Variants in MAP2 observed in about 807,000 individuals in gnomAD.
The protein encoded by MAP2 is microtubule-associated protein 2.
In MAP2, 14 loss-of-function variants were observed where a neutral mutation model predicts 137.6. The ratio of observed to expected loss-of-function variants is 0.10; its 90% confidence interval spans 0.07 to 0.16. The LOEUF is 0.16. MAP2 is among the 10% of genes least tolerant of loss of function. MAP2 has a pLI of 1.00. For missense variants in MAP2, 2,088 were observed against 2,191.5 expected, an observed-to-expected ratio of 0.95 and a Z score of 0.94; for synonymous variants, 786 against 782.3, an observed-to-expected ratio of 1.00 and a Z score of -0.08.
intron 3 of MAP2, among the ~76,000 whole-genome samples, chr2:209,611,139 TA>T: frequency 6.6e-6 from 1 of 152,310 alleles, no homozygotes; most frequent in African/African-American, 2.4e-5. Flanking sequence ...GCCAAATATT[TA>T]AACTAACAGC....
chr2:209,427,908 T>C (rs902919685), intron 1 of MAP2, among the ~76,000 whole-genome samples: 1 of 152,274 alleles, frequency 6.6e-6, no homozygotes, highest in Non-Finnish European at 1.5e-5. Context: ...AAGCTGTCCA[T>C]GTAGGGTAGA....
At chr2:209,446,634 A>G (rs950816232) in intron 1 of MAP2, among the ~76,000 whole-genome samples, 11 of 151,952 alleles carry the variant, frequency 7.2e-5, no homozygotes, top group African/African-American at 2.7e-4. Context: ...AAATTACATT[A>G]TTAAAATAGG....
intron 2 of MAP2, among the ~76,000 whole-genome samples, chr2:209,571,495 C>T (rs996474993): frequency 1.5e-4 from 23 of 151,872 alleles, no homozygotes; most frequent in Non-Finnish European, 2.8e-4. Flanking sequence ...AAACAGTTTT[C>T]CAAAGTGGTT....
intron 1 of MAP2, among the ~76,000 whole-genome samples, chr2:209,483,989 AGGGAGCT>A (rs985223046): frequency 2.0e-5 from 3 of 152,148 alleles, no homozygotes; most frequent in African/African-American, 7.2e-5. Flanking sequence ...TCATCCCTGC[AGGGAGCT>A]GGGAGCTGTA....
At chr2:209,634,799 TG>T (rs1223697713) in intron 4 of MAP2, among the ~76,000 whole-genome samples, 1 of 152,114 alleles carries the variant, frequency 6.6e-6, no homozygotes, top group African/African-American at 2.4e-5. Context: ...GAGTGTGGAT[TG>T]TAACTTCAAT....
chr2:209,648,636 A>T (rs998441950), intron 4 of MAP2, among the ~76,000 whole-genome samples: 54 of 150,018 alleles, frequency 3.6e-4, no homozygotes, highest in Non-Finnish European at 1.5e-4. Context: ...AAAAAAAAAA[A>T]AAAAAAGCCA....
Position 209,674,035 on chromosome 2 carries a change from C to A in MAP2, c.263-4537C>A, listed in dbSNP as rs138892289. On this transcript the variant is annotated intron_variant, in intron 5 of 15. Transcript: ENST00000682079. Reference sequence around the variant, plus strand: ...AGATGGTAGCCCAGGACCTATGCATCCAGGAAACTGGGTGTGAAGCCAGAA... The same window carrying A: ...AGATGGTAGCCCAGGACCTATGCATACAGGAAACTGGGTGTGAAGCCAGAA... Among the ~76,000 whole-genome samples the A allele has an allele frequency of 1.3e-5, 2 of 151,812 alleles. 1 individual carries two copies. The highest frequency in any genetic ancestry group is 1.3e-4 in the Admixed American group (2 of 15,176).
intron 7 of MAP2, among the ~76,000 whole-genome samples, chr2:209,682,027 G>A (rs1253810810): frequency 6.6e-6 from 1 of 151,956 alleles, no homozygotes; most frequent in Non-Finnish European, 1.5e-5. Context: ...ATAATAATCA[G>A]TGCATAGCAG....
At chr2:209,674,621 A>AGATG (rs58681596) in intron 5 of MAP2, among the ~76,000 whole-genome samples, 18,053 of 150,638 alleles carry the variant, frequency 0.12, 1,903 homozygotes, top group African/African-American at 0.28. Context: ...ATATATAGAT[A>AGATG]GATGGATGGA....
At chr2:209,526,268 A>G (rs2064031644) in intron 2 of MAP2, among the ~76,000 whole-genome samples, 1 of 152,116 alleles carries the variant, frequency 6.6e-6, no homozygotes, top group Non-Finnish European at 1.5e-5. Context: ...GGAGTCTAGG[A>G]AGTGACCTCA....
At chr2:209,557,856 C>T (rs1260193667) in intron 2 of MAP2, among the ~76,000 whole-genome samples, 1 of 152,200 alleles carries the variant, frequency 6.6e-6, no homozygotes, top group Non-Finnish European at 1.5e-5. Flanking sequence ...CTCCTCTGTA[C>T]TCTCATGGTG....
chr2:209,430,311 A>G (rs1693910069), intron 1 of MAP2, among the ~76,000 whole-genome samples: 1 of 151,872 alleles, frequency 6.6e-6, no homozygotes, highest in East Asian at 1.9e-4. Flanking sequence ...ACAACTTCTC[A>G]GCCTGCTAAT....
chr2:209,706,384 C>G (rs185369275), intron 12 of MAP2, among the ~76,000 whole-genome samples: 2 of 152,152 alleles, frequency 1.3e-5, no homozygotes, highest in East Asian at 3.9e-4. Context: ...ACCAAAATAG[C>G]TACCGTTTAT....
intron 1 of MAP2, among the ~76,000 whole-genome samples, chr2:209,448,255 T>C (rs1333504040): frequency 6.6e-6 from 1 of 152,156 alleles, no homozygotes; most frequent in African/African-American, 2.4e-5. Flanking sequence ...TGCTCTCATA[T>C]AATCACTTGA....
At chr2:209,711,795 T>G (rs557136091) in intron 13 of MAP2, among the ~76,000 whole-genome samples, 268 of 152,268 alleles carry the variant, frequency 1.8e-3, no homozygotes, top group African/African-American at 5.0e-3. Context: ...CATTTTAGCC[T>G]TGGACAAGCT....
At chr2:209,528,664 G>C (rs2064485616) in intron 2 of MAP2, among the ~76,000 whole-genome samples, 1 of 151,788 alleles carries the variant, frequency 6.6e-6, no homozygotes, top group South Asian at 2.1e-4. Context: ...TCTCAAAAGA[G>C]GACCTGGAAG....
intron 2 of MAP2, among the ~76,000 whole-genome samples, chr2:209,569,965 T>C (rs2074121013): frequency 6.6e-6 from 1 of 151,828 alleles, no homozygotes; most frequent in African/African-American, 2.4e-5. Context: ...ATTGCACTCA[T>C]ATATTCTATA....
In MAP2 at chr2:209,593,632, A is replaced by T. The variant is rs868523173; in HGVS notation, c.-107+13532A>T. On this transcript the variant is annotated intron_variant, in intron 3 of 15. Coordinates refer to ENST00000682079, the MANE Select transcript of MAP2 (RefSeq NM_001375505.1). ...ACCCTGTCTCTACAAAAAAAAAAAA[A>T]AAATATATATATATATATATATATA... Among the ~76,000 whole-genome samples the T allele has an allele frequency of 2.9e-4, 18 of 61,110 alleles. No individual in the cohort carries two copies. The East Asian group carries it at 4.0e-3, about 14-fold the overall frequency. 40.1% of individuals were successfully genotyped at this position (61,110 alleles called of 152,430 possible).
intron 13 of MAP2, among the ~76,000 whole-genome samples, chr2:209,715,632 A>G (rs930389437): frequency 6.6e-6 from 1 of 152,212 alleles, no homozygotes; most frequent in Non-Finnish European, 1.5e-5. Flanking sequence ...TGGCTAGGAA[A>G]GTCCCGAGAA....
Sources: allele counts gnomAD v4.1 joint callset (sites outside exome capture counted in the v4.1 genomes callset), GRCh38; gene constraint gnomAD v4.1.1; transcripts MANE v1.5; gene names NCBI Gene and HGNC (gene_info 2026-07-23, HGNC 2026-07-21).